Variants in IAPP observed in about 807,000 individuals in gnomAD.
IAPP encodes islet amyloid polypeptide.
IAPP carries 4 observed loss-of-function variants against 2.9 expected under a neutral mutation model. That is an observed-to-expected ratio of 1.39 (90% CI 0.69 to 3.19). The LOEUF (loss-of-function observed/expected upper bound fraction) is 3.19. Ranked by LOEUF, IAPP falls within the 30% of genes most tolerant of loss-of-function variation. The pLI, the probability that IAPP is intolerant of heterozygous loss-of-function variation, is 0.01. For missense variants in IAPP, 114 were observed against 105.3 expected, an observed-to-expected ratio of 1.08 and a Z score of -0.36; for synonymous variants, 40 against 42.1, an observed-to-expected ratio of 0.95 and a Z score of 0.19.
intron 1 of IAPP, among the ~76,000 whole-genome samples, chr12:21,360,923 G>A (rs1938810028): frequency 1.3e-5 from 2 of 152,240 alleles, no homozygotes; most frequent in South Asian, 4.1e-4. Context: ...GCAGCTCAAG[G>A]AGGCCTGCCT....
Position 21,373,344 on chromosome 12 carries a change from G to A in IAPP, c.-8G>A, listed in dbSNP as rs777036230. 1.9e-6 allele frequency: 3 copies of A among 1,604,710 alleles called. No homozygotes were observed. In the Admixed American group the frequency reaches 5.0e-5, roughly 27 times the overall value. ...CTGGATTATTCTTTGCAGAAAATTTGAGAAGCAATGGGCATCCTGAAGCTG... is the reference window on the plus strand; with the variant it reads ...CTGGATTATTCTTTGCAGAAAATTTAAGAAGCAATGGGCATCCTGAAGCTG... On this transcript the variant is annotated 5_prime_UTR_variant, in exon 2 of 3. Transcript: ENST00000240652.
At chr12:21,376,047 A>G (rs1184689617) in intron 2 of IAPP, among the ~76,000 whole-genome samples, 1 of 152,216 alleles carries the variant, frequency 6.6e-6, no homozygotes, top group Admixed American at 6.5e-5. Flanking sequence ...TAGAAAAGCA[A>G]TTTCACAAAT....
intron 1 of IAPP, among the ~76,000 whole-genome samples, chr12:21,363,036 C>T (rs1384606965): frequency 6.6e-6 from 1 of 152,146 alleles, no homozygotes; most frequent in Non-Finnish European, 1.5e-5. Context: ...AGCTCTGCAC[C>T]AAGCGGACCT....
intron 2 of IAPP, chr12:21,373,690 T>C (rs921187419): frequency 7.1e-6 from 5 of 701,720 alleles, no homozygotes; most frequent in Non-Finnish European, 1.3e-5. Context: ...TCTTGGAACT[T>C]AGAGGGGCAA....
At chr12:21,358,856 G>C (rs1016960325) in intron 1 of IAPP, among the ~76,000 whole-genome samples, 6 of 152,042 alleles carry the variant, frequency 3.9e-5, no homozygotes, top group African/African-American at 4.8e-5. Flanking sequence ...GAATAAACAT[G>C]TAATCTATAC....
At chr12:21,371,378 G>T (rs1939776074), upstream of IAPP, among the ~76,000 whole-genome samples, 1 of 150,528 alleles carries the variant, frequency 6.6e-6, no homozygotes, top group Non-Finnish European at 1.5e-5. Flanking sequence ...TTACGGAAAT[G>T]CATTATCCTT....
At chr12:21,360,871 G>T (rs1938801777) in intron 1 of IAPP, among the ~76,000 whole-genome samples, 1 of 152,216 alleles carries the variant, frequency 6.6e-6, no homozygotes, top group Non-Finnish European at 1.5e-5. Context: ...GCTTGAGAAG[G>T]TAAACAAAGC....
chr12:21,374,780 C>A (rs1480830293), intron 2 of IAPP, among the ~76,000 whole-genome samples: 1 of 151,868 alleles, frequency 6.6e-6, no homozygotes, highest in Non-Finnish European at 1.5e-5. Flanking sequence ...TTACTAAGCA[C>A]TTTTACCCTC....
At chr12:21,374,778 C>G (rs1422718579) in intron 2 of IAPP, among the ~76,000 whole-genome samples, 1 of 151,832 alleles carries the variant, frequency 6.6e-6, no homozygotes. Flanking sequence ...ATTTACTAAG[C>G]ACTTTTACCC....
At chr12:21,372,252 A>T (rs1939854173), upstream of IAPP, among the ~76,000 whole-genome samples, 1 of 152,150 alleles carries the variant, frequency 6.6e-6, no homozygotes, top group Non-Finnish European at 1.5e-5. Context: ...ATACCTATGG[A>T]TCTCTATCTA....
At chr12:21,377,966 T>C (rs890126234) in intron 2 of IAPP, among the ~76,000 whole-genome samples, 6 of 152,190 alleles carry the variant, frequency 3.9e-5, no homozygotes, top group Non-Finnish European at 7.3e-5. Context: ...ATTTTGATTA[T>C]ATGTAATATA....
rs779055744 is a variant in IAPP, at chr12:21,378,443, A to C, written c.*17A>C. On this transcript the variant is annotated 3_prime_UTR_variant, in exon 3 of 3. Coordinates refer to ENST00000240652, the MANE Select transcript of IAPP (RefSeq NM_000415.3). ...CCCCTTTAGAGGACAATGTAACTCT[A>C]TAGTTATTGTTTTATGTTCTAGTGA... The C allele has an allele frequency of 1.3e-6, 2 of 1,590,610 alleles. No individual in the cohort carries two copies. The highest frequency in any genetic ancestry group is 8.6e-7 in the Non-Finnish European group (1 of 1,158,502).
intron 1 of IAPP, among the ~76,000 whole-genome samples, chr12:21,358,643 TTAA>T (rs1410238981): frequency 6.6e-6 from 1 of 152,090 alleles, no homozygotes; most frequent in Admixed American, 6.5e-5. Context: ...TAGTTCCTTT[TTAA>T]TTTTTTATAA....
At chr12:21,362,673 C>T (rs777606842) in intron 1 of IAPP, among the ~76,000 whole-genome samples, 3 of 152,044 alleles carry the variant, frequency 2.0e-5, no homozygotes, top group South Asian at 2.1e-4. Flanking sequence ...CGCAGAGACA[C>T]GCATAGGCTC....
At chr12:21,358,392 A>G (rs1243509602) in intron 1 of IAPP, among the ~76,000 whole-genome samples, 2 of 152,220 alleles carry the variant, frequency 1.3e-5, no homozygotes, top group East Asian at 3.8e-4. Flanking sequence ...CTCTCCAAAA[A>G]ATGTTTCGAG....
chr12:21,378,335 T>C lies in IAPP; in HGVS notation c.179T>C (p.Leu60Pro). ...TCCAGCAACAACTTTGGTGCCATTC[T>C]CTCATCTACCAACGTGGGATCCAAT... is the stretch of plus-strand genomic sequence containing the variant. Reference protein sequence around the residue: ...VHSSNNFGAILSSTNVGSNTY... With the variant: ...VHSSNNFGAIPSSTNVGSNTY... Residue 60 changes from leucine (L) to proline (P), a missense_variant, in exon 3 of 3, where the codon CTC (leucine) becomes CCC (proline). Leu to Pro is a moderately conservative substitution (Grantham distance 98). Coordinates refer to ENST00000240652, the MANE Select transcript of IAPP (RefSeq NM_000415.3). The C allele has an allele frequency of 6.2e-7, 1 of 1,614,176 alleles. No homozygotes were observed. Among genetic ancestry groups the C allele is most frequent in the Non-Finnish European group, 8.5e-7 (1 of 1,180,004 alleles).
rs1938663068 is a variant in IAPP at position 21,359,665 on chromosome 12, T to C, written c.-16+4652T>C. Among the ~76,000 whole-genome samples the C allele has an allele frequency of 2.0e-5, 3 of 151,424 alleles. No individual in the cohort carries two copies. The South Asian group carries it at 6.3e-4, about 32-fold the overall frequency. On this transcript the variant is annotated intron_variant, in intron 1 of 2. Coordinates refer to the IAPP transcript ENST00000539393. ...GGGAGGCTGAGGCAGGAGAATGGCATGAACCCAGGAGGCAGAGCTTGCAGT... is the reference window on the plus strand; with the variant it reads ...GGGAGGCTGAGGCAGGAGAATGGCACGAACCCAGGAGGCAGAGCTTGCAGT...
chr12:21,366,709 T>C (rs535083328), intron 1 of IAPP, among the ~76,000 whole-genome samples: 65 of 151,996 alleles, frequency 4.3e-4, no homozygotes, highest in African/African-American at 1.4e-3. Flanking sequence ...ATTACATCAA[T>C]GAAACAAAAG....
chr12:21,372,149 C>A (rs181819103), upstream of IAPP, among the ~76,000 whole-genome samples: 123 of 152,278 alleles, frequency 8.1e-4, no homozygotes, highest in Non-Finnish European at 1.3e-3. Flanking sequence ...TCTCATGGAG[C>A]TAATGGGAAA....
Sources: allele counts gnomAD v4.1 joint callset (sites outside exome capture counted in the v4.1 genomes callset), GRCh38; gene constraint gnomAD v4.1.1; transcripts MANE v1.5; gene names NCBI Gene and HGNC (gene_info 2026-07-23, HGNC 2026-07-21).